CFAP44: variants seen among roughly 807,000 people sequenced by gnomAD.
CFAP44 encodes the protein cilia- and flagella-associated protein 44.
In CFAP44, 134 loss-of-function variants were observed where a neutral mutation model predicts 216.2. The observed-to-expected ratio is 0.62, with a 90% CI of 0.54 to 0.72. CFAP44 has a LOEUF of 0.72. Ranked by LOEUF, CFAP44 falls within the 30% of genes least tolerant of loss-of-function variation. The pLI is 0.00. For synonymous variants in CFAP44, 700 were observed against 727.6 expected (o/e 0.96, Z 0.61); for missense variants, 2,035 against 2,182.1 (o/e 0.93, Z 1.34).
At chr3:113,397,299 C>G (rs954030550) in intron 13 of CFAP44, 1 of 152,918 alleles carries the variant, frequency 6.5e-6, no homozygotes, top group Admixed American at 6.5e-5. Context: ...CAGGAAATAA[C>G]AGAACTCAAG....
chr3:113,293,082 T>C (rs1460054980), intron 34 of CFAP44, among the ~76,000 whole-genome samples: 1 of 152,206 alleles, frequency 6.6e-6, no homozygotes, highest in African/African-American at 2.4e-5. Flanking sequence ...ATGACTCCTA[T>C]TTGTTTAAGG....
At chr3:113,366,601 G>A (rs900262398) in intron 18 of CFAP44, among the ~76,000 whole-genome samples, 1 of 152,124 alleles carries the variant, frequency 6.6e-6, no homozygotes, top group African/African-American at 2.4e-5. Flanking sequence ...CTTCCAAGAT[G>A]GCCAAATAGG....
intron 28 of CFAP44, among the ~76,000 whole-genome samples, chr3:113,318,613 G>A (rs1180752484): frequency 2.0e-5 from 3 of 151,880 alleles, no homozygotes; most frequent in Non-Finnish European, 4.4e-5. Context: ...CCACCCCAAG[G>A]CACACAGTCA....
intron 9 of CFAP44, 44 bp downstream of exon 9, chr3:113,403,808 G>A: frequency 6.3e-7 from 1 of 1,584,832 alleles, no homozygotes; most frequent in Non-Finnish European, 8.6e-7. Flanking sequence ...TGAGCTACAA[G>A]TCTTAAACGT....
At chr3:113,437,778 T>C (rs1935270733) in intron 1 of CFAP44, among the ~76,000 whole-genome samples, 2 of 151,736 alleles carry the variant, frequency 1.3e-5, no homozygotes, top group Admixed American at 1.3e-4. Context: ...TAAGGTATTT[T>C]TGGTTTTTTG....
intron 25 of CFAP44, among the ~76,000 whole-genome samples, chr3:113,331,065 C>T (rs1001105852): frequency 3.9e-5 from 6 of 152,094 alleles, no homozygotes; most frequent in African/African-American, 1.4e-4. Context: ...ACTTTGAATC[C>T]CTTTGACTTA....
chr3:113,360,588 G>A (rs111646271), intron 21 of CFAP44: 2,156 of 173,278 alleles, frequency 0.012, 52 homozygotes, highest in African/African-American at 0.048. Context: ...TAATGTTATC[G>A]ATGTAAAAAA....
intron 4 of CFAP44, among the ~76,000 whole-genome samples, chr3:113,423,843 G>A (rs1000161855): frequency 2.0e-5 from 3 of 152,210 alleles, no homozygotes; most frequent in African/African-American, 4.8e-5. Context: ...GCACAGCCAC[G>A]TGCAGGAAGA....
chr3:113,399,985 T>A lies in CFAP44; in HGVS notation c.1490A>T (p.Tyr497Phe). The A allele has an allele frequency of 6.2e-7, 1 of 1,601,504 alleles. No homozygotes were observed. The highest frequency in any genetic ancestry group is 8.5e-7 in the Non-Finnish European group (1 of 1,174,898). The change falls in exon 13 of 35, where the codon TAT becomes TTT. Residue 497 changes from tyrosine (Y) to phenylalanine (F), a missense_variant. This residue lies in a region of CFAP44 where 1,883 missense variants were observed against 2,023.7 expected (regional missense o/e 0.93). Transcript: ENST00000393845. ...CAAAGGAGTTTTGCTAGCAAAATCATAGATTCGAACAGAGCCTATAGAAAG... is the reference window on the plus strand; with the variant it reads ...CAAAGGAGTTTTGCTAGCAAAATCAAAGATTCGAACAGAGCCTATAGAAAG... Reference protein sequence around the residue: ...TTALDCSVRIYDFASKTPLAQ... With the variant: ...TTALDCSVRIFDFASKTPLAQ...
chr3:113,295,401 C>T (rs1271421556), intron 33 of CFAP44, among the ~76,000 whole-genome samples: 3 of 152,208 alleles, frequency 2.0e-5, no homozygotes, highest in Non-Finnish European at 2.9e-5. Context: ...GGTCTCACTA[C>T]ATTGCCCAGG....
At chr3:113,332,491 T>A (rs1950248595) in intron 25 of CFAP44, among the ~76,000 whole-genome samples, 1 of 152,194 alleles carries the variant, frequency 6.6e-6, no homozygotes, top group Non-Finnish European at 1.5e-5. Context: ...ATAACCATGA[T>A]GTGATTGGCA....
intron 12 of CFAP44, among the ~76,000 whole-genome samples, 180 bp from the exon 13 acceptor site, chr3:113,400,180 A>G (rs1418359883): frequency 4.6e-5 from 7 of 152,196 alleles, no homozygotes; most frequent in Admixed American, 2.0e-4. Flanking sequence ...CATGAATAAT[A>G]AAGAAGAAAA....
intron 28 of CFAP44, among the ~76,000 whole-genome samples, chr3:113,309,658 A>G (rs1327556504): frequency 6.6e-6 from 1 of 152,234 alleles, no homozygotes; most frequent in African/African-American, 2.4e-5. Flanking sequence ...TATGAACTAC[A>G]GATCACCAAT....
At chr3:113,404,184 C>T (rs1351037741) in intron 8 of CFAP44, 168 bp from the exon 9 acceptor site, 1 of 702,874 alleles carries the variant, frequency 1.4e-6, no homozygotes, top group African/African-American at 1.8e-5. Context: ...ACCCCAGACA[C>T]AACTACCAAT....
At position 113,428,226 on chromosome 3, in the gene CFAP44, A is replaced by G. The variant is rs150214250; in HGVS notation, c.101-887T>C. ...TGTAGCAACCAAAGACTATTTCCTC[A>G]TTTCAAGATTAGGGCACTACAAGTG... is the stretch of plus-strand genomic sequence containing the variant. On this transcript the variant is annotated intron_variant, in intron 2 of 34. Transcript: ENST00000393845. 4.6e-5 allele frequency among the ~76,000 whole-genome samples: 7 copies of G among 152,358 alleles called. No individual in the cohort carries two copies. In the East Asian group the frequency reaches 1.3e-3, roughly 29 times the overall value.
At chr3:113,380,812 T>G (rs1053938085) in intron 16 of CFAP44, 87 bp downstream of exon 16, 1 of 1,130,758 alleles carries the variant, frequency 8.8e-7, no homozygotes. Flanking sequence ...TATTCTTTTG[T>G]GTATTCCATC....
chr3:113,301,158 A>G (rs894987176), intron 32 of CFAP44, among the ~76,000 whole-genome samples: 2 of 152,184 alleles, frequency 1.3e-5, no homozygotes, highest in South Asian at 2.1e-4. Flanking sequence ...ATATTTTACA[A>G]TGAAGACAAA....
chr3:113,401,576 C>T lies in CFAP44; in HGVS notation c.1326+8G>A. The T allele has an allele frequency of 6.2e-7, 1 of 1,612,366 alleles. No individual in the cohort carries two copies. The highest frequency in any genetic ancestry group is 8.5e-7 in the Non-Finnish European group (1 of 1,179,424). ...GTTAAAGAGCCAAGAGACAAGAATG[C>T]AACACACCTGAGCCAACCAAAAGTT... On this transcript the variant is annotated splice_region_variant and intron_variant, in intron 10 of 34. Coordinates refer to ENST00000393845, the MANE Select transcript of CFAP44 (RefSeq NM_001164496.2).
At chr3:113,439,420 CA>C (rs1373096089) in intron 1 of CFAP44, among the ~76,000 whole-genome samples, 1 of 152,200 alleles carries the variant, frequency 6.6e-6, no homozygotes, top group African/African-American at 2.4e-5. Context: ...ATCTGCCCAA[CA>C]ATTGCCTGTC....
Sources: gnomAD v4.1 joint callset for allele counts (sites outside exome capture counted in the v4.1 genomes callset) on GRCh38, gnomAD v4.1.1 for gene constraint, gnomAD v4.1.1 regional missense constraint, MANE v1.5 for transcripts, NCBI Gene and HGNC (gene_info 2026-07-23, HGNC 2026-07-21) for gene names.